PTPRD: variants seen among roughly 807,000 people sequenced by gnomAD.
PTPRD encodes the protein receptor-type tyrosine-protein phosphatase delta.
PTPRD carries 34 observed loss-of-function variants against 214.5 expected under a neutral mutation model. The ratio of observed to expected loss-of-function variants is 0.16; its 90% CI spans 0.12 to 0.21. PTPRD has a LOEUF of 0.21. Among genes scored for constraint, PTPRD ranks in the 10% least tolerant of loss-of-function variants. PTPRD has a pLI of 1.00. For missense variants in PTPRD, 2,545 were observed against 2,398.7 expected (o/e 1.06, Z -1.27); for synonymous variants, 1,128 against 845.7 (o/e 1.33, Z -5.79).
intron 7 of PTPRD, among the ~76,000 whole-genome samples, chr9:9,653,558 T>C (rs1028352956): frequency 5.3e-5 from 8 of 152,096 alleles, no homozygotes; most frequent in African/African-American, 1.4e-4. Context: ...CCAGCTTCCA[T>C]TGTAAATGAA....
intron 11 of PTPRD, among the ~76,000 whole-genome samples, chr9:8,916,025 C>T (rs755108130): frequency 2.0e-5 from 3 of 152,118 alleles, no homozygotes; most frequent in African/African-American, 7.2e-5. Context: ...CTGGTGGTTA[C>T]ATTCACTAAG....
At chr9:10,557,386 TCTCCCTCTCTC>T (rs1486555794) in intron 2 of PTPRD, among the ~76,000 whole-genome samples, 1 of 152,146 alleles carries the variant, frequency 6.6e-6, no homozygotes, top group African/African-American at 2.4e-5. Context: ...TTTCTCTCTT[TCTCCCTCTCTC>T]CTCCCTCTCC....
intron 8 of PTPRD, among the ~76,000 whole-genome samples, chr9:9,506,373 A>T (rs557713025): frequency 6.6e-6 from 1 of 151,556 alleles, no homozygotes; most frequent in African/African-American, 2.4e-5. Flanking sequence ...TATAGCTAAA[A>T]AAAAGACTTT....
chr9:10,551,198 G>A (rs1481797863), intron 2 of PTPRD, among the ~76,000 whole-genome samples: 1 of 152,066 alleles, frequency 6.6e-6, no homozygotes, highest in Non-Finnish European at 1.5e-5. Flanking sequence ...AAGTAGCCAT[G>A]TATCATGTCA....
chr9:8,554,849 T>TTTCTC, intron 14 of PTPRD, among the ~76,000 whole-genome samples: 1 of 152,262 alleles, frequency 6.6e-6, no homozygotes, highest in Admixed American at 6.5e-5. Context: ...TTTTATACGC[T>TTTCTC]TTCTATCATT....
intron 11 of PTPRD, among the ~76,000 whole-genome samples, chr9:8,823,726 A>G (rs1433329079): frequency 1.3e-5 from 2 of 152,122 alleles, no homozygotes; most frequent in Non-Finnish European, 2.9e-5. Flanking sequence ...GAAGGAAACC[A>G]TTTTGTTACA....
At chr9:10,153,076 G>C (rs1009877438) in intron 3 of PTPRD, among the ~76,000 whole-genome samples, 1 of 152,068 alleles carries the variant, frequency 6.6e-6, no homozygotes, top group Non-Finnish European at 1.5e-5. Flanking sequence ...GAAGAAATAA[G>C]TTCTGGACAT....
At chr9:9,595,246 C>A (rs2154331825) in intron 7 of PTPRD, among the ~76,000 whole-genome samples, 2 of 142,670 alleles carry the variant, frequency 1.4e-5, no homozygotes, top group African/African-American at 2.7e-5. Flanking sequence ...GGTATCTACC[C>A]AGAGGGAAAT....
intron 11 of PTPRD, among the ~76,000 whole-genome samples, chr9:8,758,295 T>C (rs1050110441): frequency 6.6e-6 from 1 of 152,214 alleles, no homozygotes; most frequent in African/African-American, 2.4e-5. Flanking sequence ...ACAAATGTAG[T>C]ACCACTCTAG....
At position 10,545,298 on chromosome 9, in the gene PTPRD, G is replaced by A. The variant is rs1354359426; in HGVS notation, c.-600+67100C>T. On this transcript the variant is annotated intron_variant, in intron 2 of 45. Transcript: ENST00000381196. ...CTTTCCCTTCCCTGCATGCCTGGAG[G>A]TATTCATAGCCTACCATGAAGATGA... Among the ~76,000 whole-genome samples, 5 of 152,216 alleles carry A rather than the reference G, an allele frequency of 3.3e-5. No homozygotes were observed. In the East Asian group the frequency reaches 9.7e-4, roughly 30 times the overall value.
chr9:8,718,003 T>C (rs1426827311), intron 12 of PTPRD, among the ~76,000 whole-genome samples: 2 of 152,126 alleles, frequency 1.3e-5, no homozygotes, highest in Non-Finnish European at 2.9e-5. Flanking sequence ...CTCAAATGCC[T>C]GCAACATAGT....
intron 5 of PTPRD, among the ~76,000 whole-genome samples, chr9:9,801,663 T>C (rs1364551529): frequency 6.6e-6 from 1 of 152,078 alleles, no homozygotes. Flanking sequence ...TGGTCAATAA[T>C]TGTTTTGAGT....
chr9:9,852,818 A>T (rs2060798027), intron 5 of PTPRD, among the ~76,000 whole-genome samples: 2 of 152,190 alleles, frequency 1.3e-5, no homozygotes, highest in Non-Finnish European at 1.5e-5. Flanking sequence ...ATAATATTAC[A>T]AAACTCCAGG....
chr9:10,050,735 C>A (rs114137809), intron 3 of PTPRD, among the ~76,000 whole-genome samples: 4 of 151,858 alleles, frequency 2.6e-5, no homozygotes, highest in African/African-American at 9.7e-5. Context: ...ATCCATGGAA[C>A]TCTCCCAAAT....
intron 11 of PTPRD, among the ~76,000 whole-genome samples, chr9:8,961,635 T>C (rs2099159336): frequency 6.6e-6 from 1 of 152,148 alleles, no homozygotes; most frequent in Admixed American, 6.6e-5. Flanking sequence ...GATTTCATCA[T>C]TTGTGCCCCA....
intron 5 of PTPRD, among the ~76,000 whole-genome samples, chr9:9,915,155 A>G (rs918524703): frequency 5.3e-5 from 8 of 152,312 alleles, no homozygotes; most frequent in African/African-American, 1.7e-4. Flanking sequence ...ACATGGAGAC[A>G]ACACAAATGT....
At chr9:8,389,667 C>T (rs1384924605) in intron 36 of PTPRD, among the ~76,000 whole-genome samples, 1 of 152,102 alleles carries the variant, frequency 6.6e-6, no homozygotes, top group East Asian at 1.9e-4. Flanking sequence ...AATGCCTTTT[C>T]CTTCACTGGT....
chr9:9,104,582 C>T (rs1442480716), intron 10 of PTPRD, among the ~76,000 whole-genome samples: 1 of 152,166 alleles, frequency 6.6e-6, no homozygotes, highest in Non-Finnish European at 1.5e-5. Context: ...CCAGTGCTGT[C>T]AGCTAAAACA....
chr9:9,060,444 A>G (rs12555043), intron 10 of PTPRD, among the ~76,000 whole-genome samples: 13,474 of 152,204 alleles, frequency 0.089, 1,216 homozygotes, highest in African/African-American at 0.23. Flanking sequence ...GGACAGAAGA[A>G]AAATTTCTGC....
Sources: allele counts gnomAD v4.1 joint callset (sites outside exome capture counted in the v4.1 genomes callset), GRCh38; gene constraint gnomAD v4.1.1; transcripts MANE v1.5; gene names NCBI Gene and HGNC (gene_info 2026-07-23, HGNC 2026-07-21).